PAPOLG: variants seen among roughly 807,000 people sequenced by gnomAD.
The protein encoded by PAPOLG is PAP-gamma.
Under a neutral mutation model 99.0 loss-of-function variants are expected in PAPOLG, and 40 were observed. The observed-to-expected ratio is 0.40, with a 90% CI of 0.31 to 0.53. The LOEUF is 0.53. Ranked by LOEUF, PAPOLG falls within the 20% of genes least tolerant of loss-of-function variation. The pLI, the probability that PAPOLG is intolerant of heterozygous loss-of-function variation, is 0.41. For missense variants in PAPOLG, 675 were observed against 884.1 expected (o/e 0.76, Z 3.00); for synonymous variants, 310 against 299.3 (o/e 1.04, Z -0.37).
intron 15 of PAPOLG, 62 bp from the exon 16 acceptor site, chr2:60,791,699 A>C: frequency 1.3e-6 from 2 of 1,541,112 alleles, no homozygotes; most frequent in South Asian, 2.6e-5. Flanking sequence ...ATTTCAGAAA[A>C]ATTAGGCAGA....
At chr2:60,787,767 A>G (rs1671409060) in intron 15 of PAPOLG, 147 bp downstream of exon 15, 1 of 1,134,238 alleles carries the variant, frequency 8.8e-7, no homozygotes, top group Non-Finnish European at 1.2e-6. Flanking sequence ...AAAACAGGAA[A>G]GGAGCCGGGT....
rs757019312 is a variant in PAPOLG at position 60,768,831 on chromosome 2, G to A, written c.379G>A (p.Asp127Asn). 1 of 1,602,374 alleles carries A rather than the reference G, an allele frequency of 6.2e-7. No individual in the cohort carries two copies. The highest frequency in any genetic ancestry group is 8.5e-7 in the Non-Finnish European group (1 of 1,173,348). The change falls in exon 5 of 22, where the codon GAT (aspartate) becomes AAT (asparagine). Residue 127 changes from aspartate (D) to asparagine (N), a missense_variant. Transcript: ENST00000238714. ...CVAPRHVERS[D>N]FFQSFFEKLK... ...AGCTCCAAGACATGTGGAAAGATCTGATTTTTTTCAGTCTTTTTTTGAAAA... is the reference window on the plus strand; with the variant it reads ...AGCTCCAAGACATGTGGAAAGATCTAATTTTTTTCAGTCTTTTTTTGAAAA...
Position 60,756,515 on chromosome 2 carries a change from G to T in PAPOLG, c.17+20G>T. ...GTCTGCGTAAGTGGTGGGGGGCGGCGGTTGGGGTGAGGCGGGTAGGGGTGA... is the reference window on the plus strand; with the variant it reads ...GTCTGCGTAAGTGGTGGGGGGCGGCTGTTGGGGTGAGGCGGGTAGGGGTGA... On this transcript the variant is annotated intron_variant, in intron 1 of 21. Coordinates refer to ENST00000238714, the MANE Select transcript of PAPOLG (RefSeq NM_022894.4). 1 of 1,597,584 alleles carries T rather than the reference G, an allele frequency of 6.3e-7. No homozygotes were observed.
At chr2:60,769,026 A>G (rs915344249) in intron 5 of PAPOLG, 136 bp downstream of exon 5, 1 of 681,942 alleles carries the variant, frequency 1.5e-6, no homozygotes. Context: ...TTAATAAGTG[A>G]TGATTAAATC....
At chr2:60,790,662 C>T (rs867351282) in intron 15 of PAPOLG, among the ~76,000 whole-genome samples, 21 of 152,198 alleles carry the variant, frequency 1.4e-4, no homozygotes, top group Admixed American at 3.3e-4. Flanking sequence ...CTTTTCTCAA[C>T]TGTACAATAA....
chr2:60,760,313 A>T lies in PAPOLG; in HGVS notation c.179+18A>T. The T allele has an allele frequency of 6.3e-7, 1 of 1,591,578 alleles. No individual in the cohort carries two copies. The highest frequency in any genetic ancestry group is 1.1e-5 in the South Asian group (1 of 90,284). ...AACCACAGGTATGTCATTGAAAACC[A>T]TAAAATATTTGACAGTGCATTATTT... On this transcript the variant is annotated intron_variant, in intron 2 of 21. Coordinates refer to ENST00000238714, the MANE Select transcript of PAPOLG (RefSeq NM_022894.4).
At chr2:60,770,780 C>T (rs897746644) in intron 6 of PAPOLG, among the ~76,000 whole-genome samples, 3 of 152,034 alleles carry the variant, frequency 2.0e-5, no homozygotes, top group Non-Finnish European at 1.5e-5. Flanking sequence ...CACACCACCA[C>T]ACCTGGCTAA....
chr2:60,766,041 C>G (rs1262067009), intron 3 of PAPOLG, among the ~76,000 whole-genome samples: 1 of 152,200 alleles, frequency 6.6e-6, no homozygotes, highest in Non-Finnish European at 1.5e-5. Flanking sequence ...GAAGCATTAA[C>G]AAGGATAATA....
chr2:60,756,522 G>C (rs1376233794), intron 1 of PAPOLG, 27 bp downstream of exon 1: 1 of 1,582,750 alleles, frequency 6.3e-7, no homozygotes, highest in Non-Finnish European at 8.6e-7. Flanking sequence ...GGCGGTTGGG[G>C]TGAGGCGGGT....
At chr2:60,765,390 C>CT (rs397743711) in intron 3 of PAPOLG, among the ~76,000 whole-genome samples, 44,636 of 132,236 alleles carry the variant, frequency 0.34, 7,701 homozygotes, top group Middle Eastern at 0.44. Flanking sequence ...CTATAATTCT[C>CT]TTTTTTTTTT....
intron 15 of PAPOLG, among the ~76,000 whole-genome samples, chr2:60,788,153 GAAAAT>G (rs1057412606): frequency 1.3e-5 from 2 of 151,878 alleles, no homozygotes; most frequent in African/African-American, 4.8e-5. Flanking sequence ...AAAAATAAAA[GAAAAT>G]AAATACACAT....
chr2:60,761,364 T>TA (rs1371395638), intron 2 of PAPOLG, among the ~76,000 whole-genome samples: 2 of 152,242 alleles, frequency 1.3e-5, no homozygotes, highest in Non-Finnish European at 2.9e-5. Context: ...GACCTATTAC[T>TA]AGCAATGAGA....
At chr2:60,789,527 C>T (rs1384917510) in intron 15 of PAPOLG, among the ~76,000 whole-genome samples, 1 of 152,050 alleles carries the variant, frequency 6.6e-6, no homozygotes, top group Non-Finnish European at 1.5e-5. Flanking sequence ...TCAACCACCG[C>T]ACCTGGCCAG....
chr2:60,780,810 G>GGAACTTTTAAGAAGTCTTTAAAGT, intron 10 of PAPOLG, 31 bp downstream of exon 10: 1 of 1,527,906 alleles, frequency 6.5e-7, no homozygotes, highest in African/African-American at 1.4e-5. Flanking sequence ...TTTCTTTAAA[G>GGAACTTTTAAGAAGTCTTTAAAGT]CTTTTAAGGA....
chr2:60,769,615 A>C (rs570572946), intron 5 of PAPOLG, among the ~76,000 whole-genome samples: 2 of 152,330 alleles, frequency 1.3e-5, no homozygotes, highest in East Asian at 3.9e-4. Context: ...CAACTGTATT[A>C]ATTAAATTTT....
chr2:60,770,565 T>G, intron 6 of PAPOLG, 54 bp downstream of exon 6: 1 of 1,211,364 alleles, frequency 8.3e-7, no homozygotes, highest in Non-Finnish European at 1.2e-6. Flanking sequence ...AACTTGTAAG[T>G]TTGTTTTCTG....
Position 60,764,947 on chromosome 2 carries a change from G to T in PAPOLG, c.246+3140G>T, listed in dbSNP as rs549567003. 4.6e-5 allele frequency among the ~76,000 whole-genome samples: 7 copies of T among 152,266 alleles called. No individual in the cohort carries two copies. In the South Asian group the frequency reaches 1.2e-3, roughly 27 times the overall value. On this transcript the variant is annotated intron_variant, in intron 3 of 21. Coordinates refer to ENST00000238714, the MANE Select transcript of PAPOLG (RefSeq NM_022894.4). ...TTATCAATAGTTGAAGTTATTGGAT[G>T]AGTCAAATTCTGAGCAGATGGAAAT...
chr2:60,780,865 CTT>C, intron 10 of PAPOLG, 86 bp downstream of exon 10: 1 of 1,064,884 alleles, frequency 9.4e-7, no homozygotes, highest in South Asian at 1.3e-5. Flanking sequence ...GATAGTTCCT[CTT>C]GTCTCTGTTC....
chr2:60,794,758 A>G lies in PAPOLG; in HGVS notation c.2038A>G (p.Arg680Gly). 6.8e-6 allele frequency: 11 copies of G among 1,608,570 alleles called. No homozygotes were observed. Among genetic ancestry groups the G allele is most frequent in the Non-Finnish European group, 9.4e-6 (11 of 1,175,118 alleles). ...TFKDPRTAEE[R>G]KRKSVDAIGG... ...TAAGGACCCCCGCACTGCTGAAGAA[A>G]GAAAAAGAAAATCAGTGGTAAATAT... The change falls in exon 20 of 22, where the codon AGA (arginine) becomes GGA (glycine). Residue 680 changes from arginine to glycine, a missense_variant. By Grantham distance (125) the Arg-to-Gly change is moderately radical. Around this residue, in one of 3 missense-constraint regions of PAPOLG, gnomAD observed 413 missense variants for 460.5 expected, o/e 0.90. Transcript: ENST00000238714.
Sources: allele counts gnomAD v4.1 joint callset (sites outside exome capture counted in the v4.1 genomes callset), GRCh38; gene constraint gnomAD v4.1.1; regional missense constraint gnomAD v4.1.1; transcripts MANE v1.5; gene names NCBI Gene and HGNC (gene_info 2026-07-23, HGNC 2026-07-21).